FNIP2: variants seen among roughly 807,000 people sequenced by gnomAD.
FNIP2 encodes the protein folliculin-interacting protein 2.
Under a neutral mutation model 108.7 loss-of-function variants are expected in FNIP2, and 32 were observed. The ratio of observed to expected loss-of-function variants is 0.29; its 90% CI spans 0.22 to 0.40. The LOEUF (loss-of-function observed/expected upper bound fraction) is 0.40, where lower values mean the gene tolerates loss of function less well. FNIP2 is among the 10% of genes least tolerant of loss of function. The pLI, the probability that FNIP2 is intolerant of heterozygous loss-of-function variation, is 1.00. For missense variants in FNIP2, 1,202 were observed against 1,381.6 expected, an observed-to-expected ratio of 0.87 and a Z score of 2.06; for synonymous variants, 480 against 496.7, an observed-to-expected ratio of 0.97 and a Z score of 0.45.
chr4:158,772,886 G>C (rs1332769943), intron 1 of FNIP2, among the ~76,000 whole-genome samples: 1 of 152,136 alleles, frequency 6.6e-6, no homozygotes, highest in African/African-American at 2.4e-5. Context: ...ATAACAAACA[G>C]ATAAACACTG....
Position 158,862,959 on chromosome 4 carries a change from G to A in FNIP2, c.1465+1183G>A, listed in dbSNP as rs182671528. On this transcript the variant is annotated intron_variant, in intron 12 of 16. Coordinates refer to ENST00000264433, the MANE Select transcript of FNIP2 (RefSeq NM_020840.3). Reference sequence around the variant, plus strand: ...GATAAATGTATTCATAATTAGGTGTGCTTCTTATTTGAAACATAACTGAGA... The same window carrying A: ...GATAAATGTATTCATAATTAGGTGTACTTCTTATTTGAAACATAACTGAGA... Among the ~76,000 whole-genome samples, 16 of 152,330 alleles carry A rather than the reference G, an allele frequency of 1.1e-4. No individual in the cohort carries two copies. In the East Asian group the frequency reaches 2.5e-3, roughly 24 times the overall value.
At chr4:158,838,647 T>A (rs1241352929) in intron 7 of FNIP2, among the ~76,000 whole-genome samples, 1 of 152,242 alleles carries the variant, frequency 6.6e-6, no homozygotes, top group African/African-American at 2.4e-5. Context: ...AGTTCCCATA[T>A]AACCTGCCCT....
Position 158,851,369 on chromosome 4 carries a change from C to G in FNIP2, c.776C>G (p.Ser259Cys), listed in dbSNP as rs777397611. ...ACACCTTTCCCATCTCCAAGCTCCT[C>G]TACATCTTCTTCCAGCAGTTACCAG... ...LITPFPSPSSSTSSSSSYQRR... is the reference protein window; with the variant it reads ...LITPFPSPSSCTSSSSSYQRR... Residue 259 changes from serine to cysteine, a missense_variant, in exon 8 of 17, where the codon TCT becomes TGT. Ser to Cys is a moderately radical substitution (Grantham distance 112). Around this residue, in one of 5 missense-constraint regions of FNIP2, gnomAD observed 878 missense variants for 990.3 expected, o/e 0.89. Transcript: ENST00000264433. 3 of 1,613,904 alleles carry G rather than the reference C, an allele frequency of 1.9e-6. No individual in the cohort carries two copies. Among genetic ancestry groups the G allele is most frequent in the African/African-American group, 2.7e-5 (2 of 74,934 alleles).
chr4:158,788,001 C>A (rs777735463), intron 1 of FNIP2, among the ~76,000 whole-genome samples: 9 of 152,148 alleles, frequency 5.9e-5, no homozygotes, highest in Non-Finnish European at 1.2e-4. Flanking sequence ...TGATTAAGAG[C>A]GGGAGTGGGC....
At chr4:158,846,229 A>G (rs1779392589) in intron 7 of FNIP2, among the ~76,000 whole-genome samples, 1 of 152,136 alleles carries the variant, frequency 6.6e-6, no homozygotes, top group African/African-American at 2.4e-5. Context: ...TGCATTTTAC[A>G]TCATGATCTA....
intron 16 of FNIP2, among the ~76,000 whole-genome samples, chr4:158,901,598 C>T (rs1283735381): frequency 1.3e-5 from 2 of 152,078 alleles, no homozygotes; most frequent in Admixed American, 6.6e-5. Context: ...AACTTGGTTC[C>T]ATTCTCCCTG....
Position 158,829,065 on chromosome 4 carries a change from C to A in FNIP2, c.235-14C>A. 6.3e-7 allele frequency: 1 copy of A among 1,578,260 alleles called. No homozygotes were observed. Among genetic ancestry groups the A allele is most frequent in the East Asian group, 2.3e-5 (1 of 43,284 alleles). ...CTTAGTAATCTTTTACCTTGCCTGT[C>A]TCTCTTAACCTAGAAAACAGAGGAT... On this transcript the variant is annotated splice_polypyrimidine_tract_variant and intron_variant, in intron 2 of 16. Transcript: ENST00000264433.
chr4:158,893,808 T>C, intron 15 of FNIP2: 2 of 814,752 alleles, frequency 2.5e-6, no homozygotes, highest in Non-Finnish European at 3.9e-6. Context: ...ACATACGTCT[T>C]GTCACAGTTG....
chr4:158,828,945 G>GA (rs919329023), intron 2 of FNIP2, 134 bp from the exon 3 acceptor site: 5,170 of 613,900 alleles, frequency 8.4e-3, no homozygotes, highest in South Asian at 0.013. Context: ...CATTATTGGG[G>GA]AAAAAAAAAA....
chr4:158,794,689 G>A (rs1027374087), intron 1 of FNIP2: 1 of 152,332 alleles, frequency 6.6e-6, no homozygotes, highest in East Asian at 1.9e-4. Flanking sequence ...TGCTGCCAAA[G>A]TGAGCACCTC....
intron 15 of FNIP2, chr4:158,893,672 A>C (rs1319401172): frequency 6.3e-7 from 1 of 1,580,858 alleles, no homozygotes; most frequent in Admixed American, 1.8e-5. Context: ...TTCTCCTTCT[A>C]AAAGCAGGTT....
At chr4:158,857,406 G>C (rs1416958734) in intron 8 of FNIP2, among the ~76,000 whole-genome samples, 2 of 152,200 alleles carry the variant, frequency 1.3e-5, no homozygotes, top group Non-Finnish European at 2.9e-5. Context: ...ATTGTGTGAA[G>C]TTCTAAGGAA....
At chr4:158,818,271 G>A (rs1409011463) in intron 1 of FNIP2, among the ~76,000 whole-genome samples, 1 of 152,200 alleles carries the variant, frequency 6.6e-6, no homozygotes, top group Admixed American at 6.5e-5. Flanking sequence ...TTAGTGGCAA[G>A]GAGGGGGAAA....
rs575300515 is a variant in FNIP2, at chr4:158,882,409, G to A, written c.2950-9037G>A. Among the ~76,000 whole-genome samples, 42 of 151,352 alleles carry A rather than the reference G, an allele frequency of 2.8e-4. 1 individual carries two copies. In the Middle Eastern group the frequency reaches 0.017, roughly 62 times the overall value. ...GGCGCCTCCGCCCGGCCACCACCCC[G>A]TCCGGGAGGTGGGGGGTGCCTCTGC... On this transcript the variant is annotated intron_variant, in intron 14 of 16. Coordinates refer to ENST00000264433, the MANE Select transcript of FNIP2 (RefSeq NM_020840.3).
chr4:158,865,281 A>G (rs1350006472), intron 12 of FNIP2, among the ~76,000 whole-genome samples: 1 of 152,218 alleles, frequency 6.6e-6, no homozygotes, highest in Non-Finnish European at 1.5e-5. Context: ...ATTTTAAAAA[A>G]TTATATTCAT....
In FNIP2 at chr4:158,781,323, G is replaced by T. The variant is rs149090504; in HGVS notation, c.107+12004G>T. Among the ~76,000 whole-genome samples, 199 of 152,280 alleles carry T rather than the reference G, an allele frequency of 1.3e-3. 1 individual carries two copies. The Middle Eastern group carries it at 0.027, about 21-fold the overall frequency. ...TAGAGGTGTTCCTGAGTTAAAAATG[G>T]GTGGACCGGTCTCTGTGAAATCAGA... is the stretch of plus-strand genomic sequence containing the variant. On this transcript the variant is annotated intron_variant, in intron 1 of 16. Coordinates refer to ENST00000264433, the MANE Select transcript of FNIP2 (RefSeq NM_020840.3).
intron 14 of FNIP2, among the ~76,000 whole-genome samples, chr4:158,873,632 G>T (rs184711273): frequency 7.8e-4 from 119 of 152,302 alleles, no homozygotes; most frequent in African/African-American, 2.5e-3. Context: ...ATGAAAGAAA[G>T]ATATAGTAAC....
chr4:158,893,705 A>T (rs1782438978), intron 15 of FNIP2: 2 of 1,588,816 alleles, frequency 1.3e-6, no homozygotes, highest in Admixed American at 1.8e-5. Flanking sequence ...TTTAGAGGTT[A>T]ATGTTTCCTT....
intron 8 of FNIP2, among the ~76,000 whole-genome samples, chr4:158,852,527 A>G (rs1380415383): frequency 6.6e-6 from 1 of 152,208 alleles, no homozygotes; most frequent in Non-Finnish European, 1.5e-5. Flanking sequence ...GAATAAGTTA[A>G]CCTGGATTCT....
Sources: allele counts gnomAD v4.1 joint callset (sites outside exome capture counted in the v4.1 genomes callset), GRCh38; gene constraint gnomAD v4.1.1; regional missense constraint gnomAD v4.1.1; transcripts MANE v1.5; gene names NCBI Gene and HGNC (gene_info 2026-07-23, HGNC 2026-07-21).